The following BICRAL variants were observed in gnomAD, a reference collection of about 807,000 sequenced individuals.
The protein encoded by BICRAL is BRD4-interacting chromatin-remodeling complex-associated protein-like.
A neutral mutation model predicts 91.8 loss-of-function variants in BICRAL; 8 were observed. The observed-to-expected ratio is 0.09, with a 90% CI of 0.05 to 0.16. The LOEUF (loss-of-function observed/expected upper bound fraction) is 0.16. Ranked by LOEUF, BICRAL falls within the 10% of genes least tolerant of loss-of-function variation. The probability of loss-of-function intolerance (pLI) is 1.00; values close to 1 mark genes in which losing one functional copy is unlikely to be tolerated. For missense variants in BICRAL, 1,038 were observed against 1,310.9 expected (o/e 0.79, Z 3.21); for synonymous variants, 445 against 491.1 (o/e 0.91, Z 1.24).
chr6:42,789,815 G>A (rs796549949), intron 1 of BICRAL, among the ~76,000 whole-genome samples: 1 of 152,274 alleles, frequency 6.6e-6, no homozygotes, highest in South Asian at 2.1e-4. Flanking sequence ...TATAGACGTA[G>A]AGATTGTAGT....
rs187071221 is a variant in BICRAL, at chr6:42,830,267, A to G, written c.1839+95A>G. ...ATATAATTTTCATCCTAGGCATCCA[A>G]TTTCTTAAAAATTTTAGGCCAGGTG... On this transcript the variant is annotated intron_variant, in intron 6 of 12. Transcript: ENST00000314073. 558 of 1,372,626 alleles carry G rather than the reference A, an allele frequency of 4.1e-4. 2 individuals carry two copies. The African/African-American group carries it at 7.4e-3, about 18-fold the overall frequency. The allele number at this position is 1,372,626 out of a possible 1,614,324, so 85.0% of individuals were successfully genotyped here. A position where few individuals can be genotyped will look rare whatever the true frequency, so the allele number is the denominator to read the frequency against.
chr6:42,747,398 AC>A (rs1762296131), intron 1 of BICRAL, among the ~76,000 whole-genome samples: 1 of 152,178 alleles, frequency 6.6e-6, no homozygotes, highest in Non-Finnish European at 1.5e-5. Flanking sequence ...GTATTTAACG[AC>A]CCAAGAAACT....
In BICRAL at chr6:42,857,204, G is replaced by T; in HGVS notation, c.2222G>T (p.Gly741Val). ...CTGCTCTCCTACCACGTGTGCCAGGGCTCCATGCCCACTGAAGAAGACTTG... is the reference window on the plus strand; with the variant it reads ...CTGCTCTCCTACCACGTGTGCCAGGTCTCCATGCCCACTGAAGAAGACTTG... ...QRLLSYHVCQGSMPTEEDLRK... is the reference protein window; with the variant it reads ...QRLLSYHVCQVSMPTEEDLRK... The change falls in exon 10 of 13, where the codon GGC (glycine) becomes GTC (valine). Residue 741 changes from glycine to valine, a missense_variant. By Grantham distance (109) the Gly-to-Val change is moderately radical (BLOSUM62 -3). Transcript: ENST00000314073. The T allele has an allele frequency of 1.2e-6, 2 of 1,613,656 alleles. No individual in the cohort carries two copies. Among genetic ancestry groups the T allele is most frequent in the Non-Finnish European group, 8.5e-7 (1 of 1,179,786 alleles).
chr6:42,846,872 G>A (rs1263065935), intron 6 of BICRAL, among the ~76,000 whole-genome samples: 2 of 152,138 alleles, frequency 1.3e-5, no homozygotes, highest in Non-Finnish European at 2.9e-5. Context: ...CTGTCTTACT[G>A]CATTAGCTAC....
chr6:42,856,580 G>A (rs751195809), intron 9 of BICRAL, among the ~76,000 whole-genome samples: 1 of 151,438 alleles, frequency 6.6e-6, no homozygotes. Flanking sequence ...CACCATGTTG[G>A]CCAGGCTGGT....
At chr6:42,753,308 C>T (rs1762409037) in intron 1 of BICRAL, among the ~76,000 whole-genome samples, 1 of 152,016 alleles carries the variant, frequency 6.6e-6, no homozygotes, top group African/African-American at 2.4e-5. Flanking sequence ...AAGGGATCCT[C>T]CTGCCTCGGC....
chr6:42,801,859 G>C (rs1286540626), intron 1 of BICRAL, among the ~76,000 whole-genome samples: 1 of 151,008 alleles, frequency 6.6e-6, no homozygotes, highest in Non-Finnish European at 1.5e-5. Context: ...CTCCAGCCTG[G>C]GTGACAGAGT....
At chr6:42,783,843 C>T (rs1313889598) in intron 1 of BICRAL, among the ~76,000 whole-genome samples, 3 of 152,330 alleles carry the variant, frequency 2.0e-5, no homozygotes, top group African/African-American at 7.2e-5. Context: ...GCGCTCCTGC[C>T]ATTTTCTCTC....
chr6:42,815,768 A>T (rs1481326404), intron 2 of BICRAL, among the ~76,000 whole-genome samples: 1 of 150,396 alleles, frequency 6.6e-6, no homozygotes, highest in Non-Finnish European at 1.5e-5. Context: ...TGGGCGGATC[A>T]CCTGAGGTCA....
intron 1 of BICRAL, among the ~76,000 whole-genome samples, chr6:42,754,974 A>G (rs1000431251): frequency 6.6e-6 from 1 of 152,252 alleles, no homozygotes; most frequent in African/African-American, 2.4e-5. Context: ...GCATTTCTTT[A>G]TAGAAAAGGA....
At position 42,862,501 on chromosome 6, in the gene BICRAL, C is replaced by CTG. The variant is rs1299796680; in HGVS notation, c.2350-8_2350-7insGT. 6.4e-7 allele frequency: 1 copy of CTG among 1,574,664 alleles called. No homozygotes were observed. Among genetic ancestry groups the CTG allele is most frequent in the Non-Finnish European group, 8.7e-7 (1 of 1,146,212 alleles). On this transcript the variant is annotated splice_polypyrimidine_tract_variant and intron_variant, in intron 11 of 12. Coordinates refer to ENST00000314073, the MANE Select transcript of BICRAL (RefSeq NM_001393499.1). ...TGTCTATGAAATGACTGGCCTCTCT[C>CTG]TTTTTCAGCGAATCAATCCCTCTGC...
intron 6 of BICRAL, among the ~76,000 whole-genome samples, chr6:42,837,110 A>G (rs959226186): frequency 6.6e-6 from 1 of 150,750 alleles, no homozygotes; most frequent in Non-Finnish European, 1.5e-5. Flanking sequence ...ATGCCTGGCT[A>G]ATTTTTTTGT....
chr6:42,867,131 T>C lies in BICRAL; in HGVS notation c.*1685T>C, dbSNP rs905971876. 1.2e-5 allele frequency: 3 copies of C among 249,790 alleles called. No individual in the cohort carries two copies. Among genetic ancestry groups the C allele is most frequent in the African/African-American group, 2.2e-5 (1 of 44,686 alleles). The allele number at this position is 249,790 out of a possible 1,614,324, so 15.5% of individuals were successfully genotyped here. On this transcript the variant is annotated 3_prime_UTR_variant, in exon 13 of 13. Coordinates refer to ENST00000314073, the MANE Select transcript of BICRAL (RefSeq NM_001393499.1). ...TCGCCAACATGGGGATGACCCCCAT[T>C]GTCATCATGTTGGGCATTTCTTTTC...
At chr6:42,756,416 G>T (rs960591573) in intron 1 of BICRAL, among the ~76,000 whole-genome samples, 2 of 151,798 alleles carry the variant, frequency 1.3e-5, no homozygotes, top group Admixed American at 1.3e-4. Context: ...TTCTTTTCTT[G>T]TTCCTCTCAC....
chr6:42,813,852 G>T (rs999522844), intron 2 of BICRAL, among the ~76,000 whole-genome samples: 7 of 151,894 alleles, frequency 4.6e-5, no homozygotes, highest in Admixed American at 6.6e-5. Flanking sequence ...AAAACTGAAA[G>T]AATTAATCAG....
intron 8 of BICRAL, among the ~76,000 whole-genome samples, chr6:42,854,397 C>G (rs1581634387): frequency 6.6e-6 from 1 of 152,058 alleles, no homozygotes; most frequent in African/African-American, 2.4e-5. Flanking sequence ...TTGCTCACAC[C>G]TGTCTCAAAC....
At chr6:42,847,435 A>T (rs571551935) in intron 6 of BICRAL, among the ~76,000 whole-genome samples, 2 of 152,200 alleles carry the variant, frequency 1.3e-5, no homozygotes, top group South Asian at 4.1e-4. Flanking sequence ...TGATACAATC[A>T]TGGGATTTTT....
intron 1 of BICRAL, among the ~76,000 whole-genome samples, chr6:42,786,402 C>T (rs565070743): frequency 6.6e-6 from 1 of 152,278 alleles, no homozygotes; most frequent in East Asian, 1.9e-4. Context: ...TCTGGTTTTT[C>T]TCCCCTTGTT....
chr6:42,789,583 A>AGT (rs1191012544), intron 1 of BICRAL, among the ~76,000 whole-genome samples: 1 of 150,462 alleles, frequency 6.6e-6, no homozygotes, highest in Admixed American at 6.7e-5. Flanking sequence ...CAGACATTGG[A>AGT]GTGAGCTGAG....
Sources: allele counts gnomAD v4.1 joint callset (sites outside exome capture counted in the v4.1 genomes callset), GRCh38; gene constraint gnomAD v4.1.1; transcripts MANE v1.5; gene names NCBI Gene and HGNC (gene_info 2026-07-23, HGNC 2026-07-21).